EMC3: variants seen among roughly 807,000 people sequenced by gnomAD.
The protein encoded by EMC3 is ER membrane protein complex subunit 3.
In EMC3, 13 loss-of-function variants were observed where a neutral mutation model predicts 36.6. That is an observed-to-expected ratio of 0.35 (90% CI 0.23 to 0.56). The LOEUF (loss-of-function observed/expected upper bound fraction) is 0.56. Ranked by LOEUF, EMC3 falls within the 20% of genes least tolerant of loss-of-function variation. The probability of loss-of-function intolerance (pLI) is 0.84; values close to 1 mark genes in which losing one functional copy is unlikely to be tolerated. For missense variants in EMC3, 220 were observed against 324.5 expected, an observed-to-expected ratio of 0.68 and a Z score of 2.47; for synonymous variants, 120 against 111.9, an observed-to-expected ratio of 1.07 and a Z score of -0.46.
intron 3 of EMC3, among the ~76,000 whole-genome samples, chr3:9,974,917 G>A (rs1465313114): frequency 7.5e-6 from 1 of 133,058 alleles, no homozygotes; most frequent in Non-Finnish European, 1.5e-5. Flanking sequence ...CTGGAGTGCA[G>A]TGGCATGATC....
chr3:9,963,458 T>TAGATAAATATAGATATAG lies in EMC3; in HGVS notation c.*610_*611insCTATATCTATATTTATCT, dbSNP rs1322352014. The TAGATAAATATAGATATAG allele has an allele frequency of 1.2e-5, 1 of 84,260 alleles. No individual in the cohort carries two copies. The highest frequency in any genetic ancestry group is 2.5e-5 in the Non-Finnish European group (1 of 39,662). The allele number at this position is 84,260 out of a possible 1,614,324, so 5.2% of individuals were successfully genotyped here. A position where few individuals can be genotyped will look rare whatever the true frequency, so the allele number is the denominator to read the frequency against. Reference sequence around the variant, plus strand: ...GACTGGGCTTCTGCTAAGATAGATATATATATATATATATATATATTTTTT... The same window carrying TAGATAAATATAGATATAG: ...GACTGGGCTTCTGCTAAGATAGATATAGATAAATATAGATATAGATATATATATATATATATATTTTTT... On this transcript the variant is annotated 3_prime_UTR_variant, in exon 8 of 8. Transcript: ENST00000245046.
At chr3:9,972,041 A>G (rs1365743243) in intron 5 of EMC3, among the ~76,000 whole-genome samples, 1 of 152,158 alleles carries the variant, frequency 6.6e-6, no homozygotes, top group Non-Finnish European at 1.5e-5. Context: ...ATTCAGAAGG[A>G]GAAATCTCTT....
At position 9,970,562 on chromosome 3, in the gene EMC3, A is replaced by C. The variant is rs763429252; in HGVS notation, c.574+20T>G. 16 of 1,613,556 alleles carry C rather than the reference A, an allele frequency of 9.9e-6. No homozygotes were observed. The highest frequency in any genetic ancestry group is 1.7e-5 in the Admixed American group (1 of 60,004). On this transcript the variant is annotated intron_variant, in intron 6 of 7. Transcript: ENST00000245046. ...TCATCTATGGAAGTATTTGCTTAGT[A>C]AACCTGACATGCTTCTTACCATTAT...
At chr3:9,987,333 C>T, upstream of EMC3, 3 of 985,584 alleles carry the variant, frequency 3.0e-6, no homozygotes, top group Non-Finnish European at 3.6e-6. Context: ...CTCTTAAGTC[C>T]GGGCCGCGGT....
At chr3:9,981,627 G>T (rs1173253405) in intron 1 of EMC3, 1 of 308,986 alleles carries the variant, frequency 3.2e-6, no homozygotes, top group African/African-American at 2.3e-5. Flanking sequence ...CAGAGACAGG[G>T]TCTTACCATG....
At chr3:10,007,243 A>C in intron 1 of EMC3, 4 of 1,124,348 alleles carry the variant, frequency 3.6e-6, no homozygotes, top group Non-Finnish European at 4.6e-6. Context: ...GGTGCAGGGT[A>C]GAGTCCCACA....
At chr3:9,973,916 C>T (rs2085816615) in intron 4 of EMC3, among the ~76,000 whole-genome samples, 1 of 152,136 alleles carries the variant, frequency 6.6e-6, no homozygotes, top group Non-Finnish European at 1.5e-5. Context: ...CTCTAGCTTA[C>T]TGAGGAAGCA....
intron 1 of EMC3, among the ~76,000 whole-genome samples, chr3:9,985,019 A>G (rs1368842894): frequency 6.6e-6 from 1 of 152,222 alleles, no homozygotes; most frequent in Non-Finnish European, 1.5e-5. Flanking sequence ...GTAAATGGTT[A>G]TTATTCTTCT....
Position 9,986,778 on chromosome 3 carries a change from A to G in EMC3, c.-117T>C. The G allele has an allele frequency of 6.6e-7, 1 of 1,509,928 alleles. No homozygotes were observed. The highest frequency in any genetic ancestry group is 8.8e-7 in the Non-Finnish European group (1 of 1,130,302). 93.5% of individuals were successfully genotyped at this position (1,509,928 alleles called of 1,614,324 possible). On this transcript the variant is annotated 5_prime_UTR_variant, in exon 1 of 8. Transcript: ENST00000245046. ...TCAAGCCCCTTTGCCCGTGTACCCCAGAACTCTCCTGCGACTGTGAGCCGA... is the reference window on the plus strand; with the variant it reads ...TCAAGCCCCTTTGCCCGTGTACCCCGGAACTCTCCTGCGACTGTGAGCCGA...
chr3:9,992,120 G>T (rs1421397215), intron 1 of EMC3, among the ~76,000 whole-genome samples: 1 of 151,196 alleles, frequency 6.6e-6, no homozygotes, highest in Non-Finnish European at 1.5e-5. Flanking sequence ...TTTAAATTTT[G>T]TAATTAAAAA....
chr3:9,974,867 T>TG (rs1264054217), intron 3 of EMC3, among the ~76,000 whole-genome samples: 2 of 127,066 alleles, frequency 1.6e-5, no homozygotes, highest in Non-Finnish European at 3.3e-5. Context: ...GTTTTTTTTT[T>TG]TTTTTTTTTT....
intron 1 of EMC3, among the ~76,000 whole-genome samples, chr3:9,980,545 G>GTTTTTT (rs1368340718): frequency 5.9e-5 from 8 of 135,300 alleles, no homozygotes; most frequent in South Asian, 2.5e-4. Context: ...TTTGTGTTTT[G>GTTTTTT]TTTTTTTTGT....
At chr3:9,970,699 A>AT (rs746598950) in intron 5 of EMC3, 38 bp from the exon 6 acceptor site, 3 of 1,606,658 alleles carry the variant, frequency 1.9e-6, no homozygotes, top group East Asian at 2.2e-5. Context: ...GTTAGTTATT[A>AT]TATCAGAGAG....
At chr3:9,990,224 C>T (rs755096203), upstream of EMC3, among the ~76,000 whole-genome samples, 13 of 150,474 alleles carry the variant, frequency 8.6e-5, no homozygotes, top group South Asian at 2.1e-4. Context: ...TGGGGTTTCA[C>T]GTTGTTAGCC....
intron 1 of EMC3, among the ~76,000 whole-genome samples, chr3:10,009,378 T>G (rs1486839466): frequency 6.6e-6 from 1 of 152,172 alleles, no homozygotes; most frequent in Non-Finnish European, 1.5e-5. Context: ...ACTCCCGGCC[T>G]AGCCAGGACT....
intron 7 of EMC3, among the ~76,000 whole-genome samples, chr3:9,967,547 T>C (rs779078534): frequency 1.2e-4 from 18 of 152,228 alleles, no homozygotes; most frequent in Non-Finnish European, 2.1e-4. Context: ...TTCTGAACTC[T>C]CCATTTTATT....
chr3:9,975,032 T>C (rs2085831579), intron 3 of EMC3, among the ~76,000 whole-genome samples: 2 of 151,952 alleles, frequency 1.3e-5, no homozygotes, highest in African/African-American at 4.8e-5. Flanking sequence ...AGCTAATTTT[T>C]GTATTTTCAG....
Position 9,964,035 on chromosome 3 carries a change from C to T in EMC3, c.*34G>A. 6.2e-7 allele frequency: 1 copy of T among 1,610,788 alleles called. No homozygotes were observed. Among genetic ancestry groups the T allele is most frequent in the Non-Finnish European group, 8.5e-7 (1 of 1,178,544 alleles). On this transcript the variant is annotated 3_prime_UTR_variant, in exon 8 of 8. Transcript: ENST00000245046. ...AAAGTTACAAGGTTAAGTGCAACTC[C>T]AAGTTCCTGACACAGCTAATCCCTG...
intron 1 of EMC3, among the ~76,000 whole-genome samples, chr3:9,992,612 A>C (rs1049277371): frequency 6.6e-6 from 1 of 152,238 alleles, no homozygotes; most frequent in Non-Finnish European, 1.5e-5. Flanking sequence ...AAATGTGAAG[A>C]TGTTCAAAGT....
Sources: allele counts gnomAD v4.1 joint callset (sites outside exome capture counted in the v4.1 genomes callset), GRCh38; gene constraint gnomAD v4.1.1; transcripts MANE v1.5; gene names NCBI Gene and HGNC (gene_info 2026-07-23, HGNC 2026-07-21).